SMC1B: variants seen among roughly 807,000 people sequenced by gnomAD.
The protein encoded by SMC1B is structural maintenance of chromosomes protein 1B.
In SMC1B, 60 loss-of-function variants were observed where a neutral mutation model predicts 157.9. The observed-to-expected ratio is 0.38, with a 90% CI of 0.31 to 0.47. The LOEUF is 0.47. SMC1B is among the 20% of genes least tolerant of loss of function. The pLI is 0.99. For missense variants in SMC1B, 1,165 were observed against 1,426.2 expected, an observed-to-expected ratio of 0.82 and a Z score of 2.95; for synonymous variants, 445 against 483.0, an observed-to-expected ratio of 0.92 and a Z score of 1.03.
Position 45,406,881 on chromosome 22 carries a change from A to T in SMC1B, c.299-16T>A. The T allele has an allele frequency of 1.3e-6, 2 of 1,512,728 alleles. No homozygotes were observed. The highest frequency in any genetic ancestry group is 1.8e-6 in the Non-Finnish European group (2 of 1,129,876). The allele number at this position is 1,512,728 out of a possible 1,614,324, so 93.7% of individuals were successfully genotyped here. On this transcript the variant is annotated splice_polypyrimidine_tract_variant and intron_variant, in intron 2 of 24. Coordinates refer to ENST00000357450, the MANE Select transcript of SMC1B (RefSeq NM_148674.5). ...GAGCATCCCCCTAAAATAAAAAAATAAACCCTGTTAAAAAATATATAAATA... is the reference window on the plus strand; with the variant it reads ...GAGCATCCCCCTAAAATAAAAAAATTAACCCTGTTAAAAAATATATAAATA...
chr22:45,395,260 C>T (rs2087109927), intron 7 of SMC1B, among the ~76,000 whole-genome samples: 1 of 152,036 alleles, frequency 6.6e-6, no homozygotes, highest in South Asian at 2.1e-4. Flanking sequence ...AATATAGGCA[C>T]CTGTAGGGCA....
chr22:45,369,514 T>C (rs2086809221), intron 15 of SMC1B, among the ~76,000 whole-genome samples: 1 of 151,700 alleles, frequency 6.6e-6, no homozygotes, highest in Admixed American at 6.6e-5. Context: ...GATCTCTTTG[T>C]AAGAATATAA....
At chr22:45,372,716 C>T (rs867618109) in intron 12 of SMC1B, among the ~76,000 whole-genome samples, 20 of 123,576 alleles carry the variant, frequency 1.6e-4, no homozygotes, top group African/African-American at 5.6e-4. Context: ...GACTCCAGGT[C>T]TTTTTTTTTT....
In SMC1B at chr22:45,344,533, AG is replaced by A. The variant is rs1420673916; in HGVS notation, c.*22del. ...TTAGAGTGGGAACTGAACAGTGATC[AG>A]GTGACTGCTGCAGGACTGCCCCTAG... On this transcript the variant is annotated 3_prime_UTR_variant, in exon 25 of 25. Coordinates refer to ENST00000357450, the MANE Select transcript of SMC1B (RefSeq NM_148674.5). 6.5e-7 allele frequency: 1 copy of A among 1,535,064 alleles called. No homozygotes were observed. Among genetic ancestry groups the A allele is most frequent in the African/African-American group, 1.4e-5 (1 of 73,282 alleles).
chr22:45,359,167 C>G (rs114046556), intron 18 of SMC1B, among the ~76,000 whole-genome samples: 2,860 of 152,292 alleles, frequency 0.019, 85 homozygotes, highest in African/African-American at 0.065. Flanking sequence ...TATACCAAAA[C>G]TATGCCATTT....
At chr22:45,371,432 C>A in intron 14 of SMC1B, 39 bp downstream of exon 14, 2 of 1,536,052 alleles carry the variant, frequency 1.3e-6, no homozygotes, top group Non-Finnish European at 8.7e-7. Flanking sequence ...TGGTCTAGAA[C>A]TACATATACC....
intron 10 of SMC1B, 53 bp from the exon 11 acceptor site, chr22:45,387,099 A>G: frequency 7.2e-7 from 1 of 1,394,590 alleles, no homozygotes; most frequent in Admixed American, 1.9e-5. Context: ...TAAAAACCAA[A>G]TGTTCATTAT....
In SMC1B at chr22:45,392,755, C is replaced by T. The variant is rs765976798; in HGVS notation, c.1545+879G>A. 5.9e-5 allele frequency among the ~76,000 whole-genome samples: 9 copies of T among 151,970 alleles called. No homozygotes were observed. In the South Asian group the frequency reaches 6.2e-4, roughly 11 times the overall value. On this transcript the variant is annotated intron_variant, in intron 9 of 24. Transcript: ENST00000357450. ...TCACTCTGTGGCCTAGGCTGGAGTG[C>T]AATGGTGTGATCTCAGCTCACTGCA...
At chr22:45,407,701 G>C (rs1602100723) in intron 2 of SMC1B, among the ~76,000 whole-genome samples, 1 of 152,052 alleles carries the variant, frequency 6.6e-6, no homozygotes, top group African/African-American at 2.4e-5. Context: ...GTCCTGCTGT[G>C]GCCTCCCAAA....
Position 45,371,538 on chromosome 22 carries a change from A to G in SMC1B, c.2246T>C (p.Ile749Thr). 6.3e-7 allele frequency: 1 copy of G among 1,597,908 alleles called. No individual in the cohort carries two copies. Among genetic ancestry groups the G allele is most frequent in the Non-Finnish European group, 8.5e-7 (1 of 1,174,310 alleles). Reference protein sequence around the residue: ...SELLNIESQCIMLSEGIKERQ... With the variant: ...SELLNIESQCTMLSEGIKERQ... ...TTCCTTGATTCCTTCACTCAACATAATACATTGAGACTCAATATTTAGTAG... is the reference window on the plus strand; with the variant it reads ...TTCCTTGATTCCTTCACTCAACATAGTACATTGAGACTCAATATTTAGTAG... Residue 749 changes from isoleucine (I) to threonine (T), a missense_variant, in exon 14 of 25, where the codon ATT becomes ACT. Ile to Thr is a moderately conservative substitution (Grantham distance 89). Transcript: ENST00000357450.
At position 45,396,358 on chromosome 22, in the gene SMC1B, A is replaced by G. The variant is rs369162388; in HGVS notation, c.1242T>C (p.His414=). 2 of 1,612,732 alleles carry G rather than the reference A, an allele frequency of 1.2e-6. No individual in the cohort carries two copies. Among genetic ancestry groups the G allele is most frequent in the Non-Finnish European group, 1.7e-6 (2 of 1,179,438 alleles). ...CAACCCAAGACACCTGAACTTCTCC[A>G]TGCCTCCTCTTTTCAAATGCCAGTC... is the stretch of plus-strand genomic sequence containing the variant. ...EERLAFEKRR[H]GEVQGNLKQI... is the part of the protein sequence containing the mutation. Residue 414 remains histidine, a synonymous_variant, in exon 7 of 25, where the codon CAT becomes CAC. Transcript: ENST00000357450.
chr22:45,388,045 CA>C (rs1388545586), intron 10 of SMC1B, among the ~76,000 whole-genome samples: 1 of 136,652 alleles, frequency 7.3e-6, no homozygotes, highest in Non-Finnish European at 1.6e-5. Context: ...AAAAAAACAG[CA>C]AAAAAAACCC....
intron 10 of SMC1B, 32 bp from the exon 11 acceptor site, chr22:45,387,078 A>G: frequency 6.6e-7 from 1 of 1,520,208 alleles, no homozygotes. Flanking sequence ...AACATGTTAC[A>G]TACACTGAAA....
chr22:45,409,990 G>A (rs1020115471), intron 1 of SMC1B, among the ~76,000 whole-genome samples: 2 of 152,268 alleles, frequency 1.3e-5, no homozygotes, highest in East Asian at 3.9e-4. Flanking sequence ...CGATAAAAAC[G>A]CTGCACATTG....
chr22:45,345,853 G>GA (rs1293950001), intron 23 of SMC1B, among the ~76,000 whole-genome samples: 4 of 152,214 alleles, frequency 2.6e-5, no homozygotes, highest in Non-Finnish European at 5.9e-5. Context: ...TTTATAACAA[G>GA]AAAAAAACTA....
At chr22:45,405,812 A>G (rs1569200334) in intron 4 of SMC1B, among the ~76,000 whole-genome samples, 1 of 152,314 alleles carries the variant, frequency 6.6e-6, no homozygotes, top group Admixed American at 6.5e-5. Flanking sequence ...GTCTATTTCA[A>G]TGTGTCGACA....
intron 17 of SMC1B, among the ~76,000 whole-genome samples, chr22:45,360,970 G>A (rs1298169273): frequency 1.1e-5 from 1 of 87,022 alleles, no homozygotes; most frequent in African/African-American, 4.7e-5. Context: ...CTTGTGCCAG[G>A]TACTTTTTTT....
intron 21 of SMC1B, among the ~76,000 whole-genome samples, chr22:45,353,197 G>A (rs989315093): frequency 1.4e-4 from 21 of 149,666 alleles, no homozygotes; most frequent in African/African-American, 5.2e-4. Flanking sequence ...GGGAGGTGGA[G>A]GTTTCAGTGA....
At chr22:45,348,691 A>C (rs1013580638) in intron 23 of SMC1B, among the ~76,000 whole-genome samples, 1 of 150,676 alleles carries the variant, frequency 6.6e-6, no homozygotes, top group Non-Finnish European at 1.5e-5. Flanking sequence ...CTTGTTTTAG[A>C]TATTTAGCTT....
Sources: gnomAD v4.1 joint callset for allele counts (sites outside exome capture counted in the v4.1 genomes callset) on GRCh38, gnomAD v4.1.1 for gene constraint, MANE v1.5 for transcripts, NCBI Gene and HGNC (gene_info 2026-07-23, HGNC 2026-07-21) for gene names.